Variants in CCDC178 observed in about 807,000 individuals in gnomAD.
The protein encoded by CCDC178 is coiled-coil domain containing 178.
A neutral mutation model predicts 117.4 loss-of-function variants in CCDC178; 126 were observed. The ratio of observed to expected loss-of-function variants is 1.07; its 90% confidence interval spans 0.93 to 1.24. CCDC178 has a LOEUF of 1.24. CCDC178 is among the 50% of genes most tolerant of loss of function. CCDC178 has a pLI of 0.00. For synonymous variants in CCDC178, 283 were observed against 313.4 expected, an observed-to-expected ratio of 0.90 and a Z score of 1.02; for missense variants, 1,030 against 986.9, an observed-to-expected ratio of 1.04 and a Z score of -0.59.
intron 14 of CCDC178, among the ~76,000 whole-genome samples, chr18:33,248,213 A>G (rs929478606): frequency 6.6e-6 from 1 of 151,858 alleles, no homozygotes; most frequent in African/African-American, 2.4e-5. Flanking sequence ...ATTATTATTC[A>G]ACATTGATGA....
chr18:33,299,533 A>ACACC (rs1311861845), intron 11 of CCDC178, among the ~76,000 whole-genome samples: 12 of 151,438 alleles, frequency 7.9e-5, no homozygotes, highest in Non-Finnish European at 1.8e-4. Flanking sequence ...ACACACACAC[A>ACACC]CTCAGAGGAA....
At chr18:33,145,572 G>A (rs978219825) in intron 20 of CCDC178, among the ~76,000 whole-genome samples, 15 of 152,212 alleles carry the variant, frequency 9.9e-5, no homozygotes, top group South Asian at 4.1e-4. Flanking sequence ...GGGAGACATC[G>A]GCTGCTTACC....
intron 12 of CCDC178, among the ~76,000 whole-genome samples, chr18:33,291,526 A>G (rs1204343136): frequency 1.3e-5 from 2 of 152,196 alleles, no homozygotes; most frequent in African/African-American, 4.8e-5. Flanking sequence ...CTTATTGTAG[A>G]GAAGAATGTC....
At chr18:33,121,362 T>TTGCC (rs1384169052) in intron 20 of CCDC178, among the ~76,000 whole-genome samples, 2 of 152,120 alleles carry the variant, frequency 1.3e-5, no homozygotes, top group African/African-American at 4.8e-5. Context: ...CCCTTCCTGA[T>TTGCC]TGCCTGCCTT....
At chr18:33,435,453 A>T (rs1465734053) in intron 2 of CCDC178, among the ~76,000 whole-genome samples, 6 of 152,006 alleles carry the variant, frequency 3.9e-5, no homozygotes, top group Non-Finnish European at 8.8e-5. Flanking sequence ...TTGTTCATTC[A>T]AAAAAGTATT....
At chr18:33,192,170 T>C (rs2058867092) in intron 20 of CCDC178, among the ~76,000 whole-genome samples, 1 of 152,228 alleles carries the variant, frequency 6.6e-6, no homozygotes, top group African/African-American at 2.4e-5. Flanking sequence ...ATTGTACTTA[T>C]GTCACCTACA....
At chr18:33,078,233 G>T (rs2057241711) in intron 21 of CCDC178, among the ~76,000 whole-genome samples, 1 of 151,986 alleles carries the variant, frequency 6.6e-6, no homozygotes, top group African/African-American at 2.4e-5. Context: ...ATTCAACATT[G>T]TTTCATATTA....
At chr18:33,069,232 A>G (rs1361095951) in intron 21 of CCDC178, among the ~76,000 whole-genome samples, 1 of 152,268 alleles carries the variant, frequency 6.6e-6, no homozygotes, top group East Asian at 1.9e-4. Flanking sequence ...AGCAATCCTG[A>G]GTGAAAAGAA....
At chr18:33,127,602 A>AT (rs1250457579) in intron 20 of CCDC178, among the ~76,000 whole-genome samples, 1 of 151,812 alleles carries the variant, frequency 6.6e-6, no homozygotes, top group Non-Finnish European at 1.5e-5. Context: ...CGCCTGGCTA[A>AT]TTTTTGTAAT....
intron 21 of CCDC178, among the ~76,000 whole-genome samples, chr18:32,996,679 A>G (rs948318841): frequency 1.1e-4 from 17 of 152,152 alleles, no homozygotes; most frequent in African/African-American, 4.1e-4. Context: ...GAAAATCCAG[A>G]TGGATTTTTA....
intron 20 of CCDC178, among the ~76,000 whole-genome samples, chr18:33,208,064 C>G (rs1389389672): frequency 1.3e-5 from 2 of 151,984 alleles, no homozygotes; most frequent in Non-Finnish European, 2.9e-5. Context: ...GTTCATTCCT[C>G]AAACAGAGAT....
chr18:33,146,498 C>A (rs2058269566), intron 20 of CCDC178, among the ~76,000 whole-genome samples: 1 of 152,106 alleles, frequency 6.6e-6, no homozygotes, highest in South Asian at 2.1e-4. Flanking sequence ...CTGCAAAAAA[C>A]TTTTATAAAA....
At chr18:33,006,683 T>C (rs1195867337) in intron 21 of CCDC178, among the ~76,000 whole-genome samples, 1 of 152,076 alleles carries the variant, frequency 6.6e-6, no homozygotes, top group Admixed American at 6.6e-5. Flanking sequence ...AGGTCATTCC[T>C]GTGATTATGT....
chr18:32,990,628 C>T (rs377200781), intron 21 of CCDC178, among the ~76,000 whole-genome samples: 2 of 151,966 alleles, frequency 1.3e-5, no homozygotes, highest in East Asian at 1.9e-4. Flanking sequence ...TTTTTAAAAT[C>T]TCAGAAGAAA....
intron 15 of CCDC178, among the ~76,000 whole-genome samples, chr18:33,227,540 G>A (rs1224258503): frequency 0.11 from 7,615 of 67,210 alleles, 227 homozygotes; most frequent in Admixed American, 0.14. Context: ...GTATGTGTGT[G>A]TGTGTGTGTG....
intron 11 of CCDC178, among the ~76,000 whole-genome samples, chr18:33,307,912 G>A (rs1340964643): frequency 6.6e-6 from 1 of 152,238 alleles, no homozygotes; most frequent in Non-Finnish European, 1.5e-5. Context: ...CTAGATTTCA[G>A]AGGATATAGG....
intron 21 of CCDC178, among the ~76,000 whole-genome samples, chr18:33,022,597 C>T (rs1390732777): frequency 3.3e-5 from 5 of 152,012 alleles, no homozygotes; most frequent in Admixed American, 3.3e-4. Flanking sequence ...CACTACAATA[C>T]AATATAGAAA....
chr18:33,319,027 T>C (rs77429856), intron 11 of CCDC178, among the ~76,000 whole-genome samples: 2,723 of 152,184 alleles, frequency 0.018, 31 homozygotes, highest in Middle Eastern at 0.031. Flanking sequence ...GAAAGCACTC[T>C]CTCTTTTTTT....
intron 14 of CCDC178, among the ~76,000 whole-genome samples, chr18:33,266,103 A>G (rs2059810536): frequency 6.6e-6 from 1 of 151,984 alleles, no homozygotes; most frequent in Admixed American, 6.6e-5. Flanking sequence ...CATATCTGCA[A>G]GTTTTGATTC....
Sources: allele counts gnomAD v4.1 joint callset (sites outside exome capture counted in the v4.1 genomes callset), GRCh38; gene constraint gnomAD v4.1.1; transcripts MANE v1.5; gene names NCBI Gene and HGNC (gene_info 2026-07-23, HGNC 2026-07-21).